The following C2orf80 variants were observed in gnomAD, a reference collection of about 807,000 sequenced individuals.
The protein encoded by C2orf80 is chromosome 2 open reading frame 80, also known as uncharacterized protein C2orf80.
A neutral mutation model predicts 30.2 loss-of-function variants in C2orf80; 28 were observed. The ratio of observed to expected loss-of-function variants is 0.93; its 90% CI spans 0.69 to 1.27. The LOEUF is 1.27. Among genes scored for constraint, C2orf80 ranks in the 50% most tolerant of loss-of-function variants. The pLI, the probability that C2orf80 is intolerant of heterozygous loss-of-function variation, is 0.00. For synonymous variants in C2orf80, 80 were observed against 76.4 expected, an observed-to-expected ratio of 1.05 and a Z score of -0.24; for missense variants, 220 against 231.0, an observed-to-expected ratio of 0.95 and a Z score of 0.31.
intron 6 of C2orf80, among the ~76,000 whole-genome samples, chr2:208,179,085 T>A (rs1403975437): frequency 1.3e-5 from 2 of 152,138 alleles, no homozygotes; most frequent in Non-Finnish European, 2.9e-5. Context: ...AAAAGTTATC[T>A]TGTCTGACTT....
At chr2:208,165,866 C>A in intron 8 of C2orf80, 51 bp from the exon 9 acceptor site, 1 of 1,262,456 alleles carries the variant, frequency 7.9e-7, no homozygotes, top group Non-Finnish European at 1.1e-6. Flanking sequence ...TTAACATGGA[C>A]ACAGACATTA....
intron 6 of C2orf80, among the ~76,000 whole-genome samples, chr2:208,178,332 G>T (rs1490874576): frequency 3.9e-5 from 6 of 152,150 alleles, no homozygotes; most frequent in Admixed American, 3.9e-4. Flanking sequence ...GTACCAGAAG[G>T]TGACAGGGAG....
chr2:208,177,358 A>G (rs1430616252), intron 6 of C2orf80, among the ~76,000 whole-genome samples: 3 of 151,896 alleles, frequency 2.0e-5, no homozygotes, highest in Non-Finnish European at 2.9e-5. Flanking sequence ...CCTGACCAAC[A>G]TGGCGAAACC....
Position 208,176,936 on chromosome 2 carries a change from C to CAG in C2orf80, c.366+3808_366+3809insCT, listed in dbSNP as rs1559340363. On this transcript the variant is annotated intron_variant, in intron 6 of 8. Coordinates refer to ENST00000341287, the MANE Select transcript of C2orf80 (RefSeq NM_001099334.3). ...ATACATATCTGTATACATATGTATA[C>CAG]ATATCTGTATACATATCTGTATACA... Among the ~76,000 whole-genome samples, 53 of 80,428 alleles carry CAG rather than the reference C, an allele frequency of 6.6e-4. 7 individuals are homozygous for CAG. The highest frequency in any genetic ancestry group is 2.6e-3 in the South Asian group (8 of 3,030). The allele number at this position is 80,428 out of a possible 152,430, so 52.8% of individuals were successfully genotyped here.
At chr2:208,171,698 C>T (rs1448431849) in intron 7 of C2orf80, among the ~76,000 whole-genome samples, 1 of 147,552 alleles carries the variant, frequency 6.8e-6, no homozygotes, top group East Asian at 2.0e-4. Context: ...ATCCTTCCAG[C>T]CCAGCCTCCC....
Position 208,186,970 on chromosome 2 carries a change from A to G in C2orf80, c.17T>C (p.Ile6Thr). 6.2e-7 allele frequency: 1 copy of G among 1,614,028 alleles called. No individual in the cohort carries two copies. The highest frequency in any genetic ancestry group is 8.5e-7 in the Non-Finnish European group (1 of 1,179,898). ...CAAGAGCTTTTTCATTTCCTTCTTT[A>G]TGAGCCTTCTTTCCATGTTAAAGGC... MERRL[I>T]KKEMKKLLGD... Residue 6 changes from isoleucine to threonine, a missense_variant, in exon 2 of 9, where the codon ATA becomes ACA. By Grantham distance (89) the Ile-to-Thr change is moderately conservative (BLOSUM62 -1). Coordinates refer to ENST00000341287, the MANE Select transcript of C2orf80 (RefSeq NM_001099334.3).
intron 6 of C2orf80, among the ~76,000 whole-genome samples, chr2:208,176,235 G>A (rs1377493472): frequency 6.6e-6 from 1 of 152,066 alleles, no homozygotes; most frequent in Non-Finnish European, 1.5e-5. Flanking sequence ...GAGTTCAGTG[G>A]CACTATCTCC....
Position 208,181,284 on chromosome 2 carries a change from T to C in C2orf80, c.228A>G (p.Arg76=), listed in dbSNP as rs1696550721. 6.2e-7 allele frequency: 1 copy of C among 1,610,082 alleles called. No homozygotes were observed. Among genetic ancestry groups the C allele is most frequent in the South Asian group, 1.1e-5 (1 of 91,016 alleles). Residue 76 remains arginine, a synonymous_variant, in exon 5 of 9, where the codon AGA becomes AGG. Coordinates refer to ENST00000341287, the MANE Select transcript of C2orf80 (RefSeq NM_001099334.3). Reference sequence around the variant, plus strand: ...GTTCTCTACGATTTGGATATATGGGTCTGCCATGGAGTGGTATTTTCCTAA... The same window carrying C: ...GTTCTCTACGATTTGGATATATGGGCCTGCCATGGAGTGGTATTTTCCTAA... ...WEELKIPLHG[R]PIYPNRRERE... is the part of the protein sequence containing the mutation.
At chr2:208,182,878 G>C in intron 4 of C2orf80, 87 bp downstream of exon 4, 1 of 1,070,898 alleles carries the variant, frequency 9.3e-7, no homozygotes, top group South Asian at 1.3e-5. Flanking sequence ...AGTGCCTCAT[G>C]ATGGAAGATG....
intron 8 of C2orf80, among the ~76,000 whole-genome samples, chr2:208,167,660 TC>T (rs1157244706): frequency 5.3e-5 from 8 of 152,056 alleles, no homozygotes; most frequent in Non-Finnish European, 1.0e-4. Flanking sequence ...TAGTACAACC[TC>T]TGCCTCCTGG....
chr2:208,173,134 A>G (rs1696158040), intron 6 of C2orf80, among the ~76,000 whole-genome samples: 1 of 151,446 alleles, frequency 6.6e-6, no homozygotes, highest in Non-Finnish European at 1.5e-5. Context: ...AAAAAAAAAA[A>G]AAAAAAAAAA....
At chr2:208,170,719 C>A (rs1696071210) in intron 8 of C2orf80, among the ~76,000 whole-genome samples, 1 of 152,176 alleles carries the variant, frequency 6.6e-6, no homozygotes, top group African/African-American at 2.4e-5. Context: ...ATCACCCCAA[C>A]AAGCTTAAGA....
chr2:208,172,061 T>G lies in C2orf80; in HGVS notation c.381A>C (p.Ser127=). Residue 127 remains serine (S), a synonymous_variant, in exon 7 of 9, where the codon TCA becomes TCC. Coordinates refer to ENST00000341287, the MANE Select transcript of C2orf80 (RefSeq NM_001099334.3). The part of the protein sequence containing the change: ...DSGTIKVPRV[S]SLCLSLHPFA... ...AGGGGTGCAAGGAGAGGCAGAGAGATGAAACTCGGGGAACCTGAAAGGAAA... is the reference window on the plus strand; with the variant it reads ...AGGGGTGCAAGGAGAGGCAGAGAGAGGAAACTCGGGGAACCTGAAAGGAAA... 6.2e-7 allele frequency: 1 copy of G among 1,613,468 alleles called. No homozygotes were observed. The highest frequency in any genetic ancestry group is 8.5e-7 in the Non-Finnish European group (1 of 1,179,506).
In C2orf80 at chr2:208,180,834, C is replaced by A; in HGVS notation, c.295-18G>T. On this transcript the variant is annotated intron_variant, in intron 5 of 8. Coordinates refer to ENST00000341287, the MANE Select transcript of C2orf80 (RefSeq NM_001099334.3). ...ATACTGTTCTGTTAAACAACAACAG[C>A]AATAACAAAGTATGATCATACCATG... is the stretch of plus-strand genomic sequence containing the variant. 1 of 1,602,330 alleles carries A rather than the reference C, an allele frequency of 6.2e-7. No individual in the cohort carries two copies. The highest frequency in any genetic ancestry group is 8.5e-7 in the Non-Finnish European group (1 of 1,170,728).
intron 8 of C2orf80, among the ~76,000 whole-genome samples, chr2:208,167,482 A>C (rs1695934500): frequency 6.6e-6 from 1 of 151,948 alleles, no homozygotes; most frequent in Admixed American, 6.6e-5. Context: ...AGATAACACC[A>C]CTGCACTCCA....
chr2:208,185,319 G>C (rs1377982060), intron 2 of C2orf80, among the ~76,000 whole-genome samples: 1 of 152,150 alleles, frequency 6.6e-6, no homozygotes, highest in Non-Finnish European at 1.5e-5. Context: ...CCCACACACA[G>C]AAATGGTTTT....
rs755363024 is a variant in C2orf80 at position 208,180,765 on chromosome 2, C to CAGAAG, written c.341_345dup (p.Ala116LeufsTer26). ...CTTACCTTGATGGTACCAGAATCGG[C>CAGAAG]AGAAGAATCAGCCCCATAAATTTTA... On this transcript the variant is annotated frameshift_variant, in exon 6 of 9. Coordinates refer to ENST00000341287, the MANE Select transcript of C2orf80 (RefSeq NM_001099334.3). LOFTEE classifies it high-confidence loss of function. 1.9e-6 allele frequency: 3 copies of CAGAAG among 1,613,596 alleles called. No homozygotes were observed. The South Asian group carries it at 3.3e-5, about 18-fold the overall frequency.
chr2:208,179,857 G>T (rs11895418), intron 6 of C2orf80, among the ~76,000 whole-genome samples: 288 of 152,190 alleles, frequency 1.9e-3, no homozygotes, highest in Middle Eastern at 6.8e-3. Flanking sequence ...GTAGTTTCAT[G>T]GGAGGAGCTG....
At chr2:208,168,400 G>T (rs550262043) in intron 8 of C2orf80, 1 of 306,822 alleles carries the variant, frequency 3.3e-6, no homozygotes, top group Non-Finnish European at 6.2e-6. Flanking sequence ...TGGGCCGGGC[G>T]CGGTGGCTCA....
Sources: allele counts gnomAD v4.1 joint callset (sites outside exome capture counted in the v4.1 genomes callset), GRCh38; gene constraint gnomAD v4.1.1; transcripts MANE v1.5; gene names NCBI Gene and HGNC (gene_info 2026-07-23, HGNC 2026-07-21).